OXTR: variants seen among roughly 807,000 people sequenced by gnomAD.
OXTR encodes the protein oxytocin receptor.
In OXTR, 19 loss-of-function variants were observed where a neutral mutation model predicts 23.9. The observed-to-expected ratio is 0.80, with a 90% CI of 0.56 to 1.17. OXTR has a LOEUF of 1.17. Ranked by LOEUF, OXTR falls within the 50% of genes most tolerant of loss-of-function variation. The pLI, the probability that OXTR is intolerant of heterozygous loss-of-function variation, is 0.00. For missense variants in OXTR, 500 were observed against 550.7 expected (o/e 0.91, Z 0.92); for synonymous variants, 278 against 250.5 (o/e 1.11, Z -1.04).
chr3:8,753,669 C>G (rs1362774355), intron 3 of OXTR, among the ~76,000 whole-genome samples: 8 of 152,158 alleles, frequency 5.3e-5, no homozygotes, highest in Non-Finnish European at 8.8e-5. Flanking sequence ...ACTTGAAGTC[C>G]CTAAGAAGCT....
intron 3 of OXTR, among the ~76,000 whole-genome samples, chr3:8,756,900 C>T (rs4686301): frequency 0.27 from 41,536 of 152,202 alleles, 6,439 homozygotes; most frequent in South Asian, 0.38. Flanking sequence ...ATGATGTCAG[C>T]GCAGAGAGGA....
chr3:8,754,860 G>C (rs138481153), intron 3 of OXTR, among the ~76,000 whole-genome samples: 16 of 152,314 alleles, frequency 1.1e-4, no homozygotes, highest in Non-Finnish European at 1.9e-4. Flanking sequence ...GTTGGAACAA[G>C]AGCAAGCTAC....
In OXTR at chr3:8,767,372, G is replaced by A. The variant is rs748902944; in HGVS notation, c.816C>T (p.Arg272=). 1 of 1,612,912 alleles carries A rather than the reference G, an allele frequency of 6.2e-7. No individual in the cohort carries two copies. Among genetic ancestry groups the A allele is most frequent in the South Asian group, 1.1e-5 (1 of 90,892 alleles). ...CGATGATGAAAGTCATCTTGACCGTGCGGATCTTGGCCTTGGAGATGAGCT... is the reference window on the plus strand; with the variant it reads ...CGATGATGAAAGTCATCTTGACCGTACGGATCTTGGCCTTGGAGATGAGCT... ...SVKLISKAKI[R]TVKMTFIIVL... The change falls in exon 3 of 4, where the codon CGC becomes CGT. Residue 272 remains arginine (R), a synonymous_variant. Transcript: ENST00000316793.
the OXTR span, among the ~76,000 whole-genome samples, chr3:8,743,495 G>A: frequency 1.3e-5 from 2 of 152,196 alleles, no homozygotes; most frequent in African/African-American, 4.8e-5. Flanking sequence ...CCACAGGGTT[G>A]CATAAGAGAT....
rs766011332 is a variant in OXTR, at chr3:8,767,654, G to A, written c.534C>T (p.Arg178=). Residue 178 remains arginine, a synonymous_variant, in exon 3 of 4, where the codon CGC becomes CGT. Transcript: ENST00000316793. ...AGTCGAAGACGCCGTCAGCCACCTC[G>A]CGCAGAGAGAAGATGTGCACCTGCG... is the stretch of plus-strand genomic sequence containing the variant. ...SAPQVHIFSL[R]EVADGVFDCW... is the part of the protein sequence containing the mutation. The A allele has an allele frequency of 4.3e-6, 7 of 1,612,794 alleles. No homozygotes were observed. The Admixed American group carries it at 1.2e-4, about 27-fold the overall frequency.
chr3:8,765,195 A>G (rs1481169389), intron 3 of OXTR, among the ~76,000 whole-genome samples: 1 of 152,200 alleles, frequency 6.6e-6, no homozygotes, highest in East Asian at 1.9e-4. Context: ...GAAAAGATCT[A>G]AACTTCGCTT....
intron 3 of OXTR, among the ~76,000 whole-genome samples, chr3:8,764,414 C>T (rs1029419692): frequency 6.6e-6 from 1 of 152,320 alleles, no homozygotes; most frequent in Admixed American, 6.5e-5. Flanking sequence ...CTAGATATTT[C>T]CGCATCTAAA....
At position 8,753,102 on chromosome 3, in the gene OXTR, C is replaced by T. The variant is rs200007890; in HGVS notation, c.1045G>A (p.Ala349Thr). The change falls in exon 4 of 4, where the codon GCC (alanine) becomes ACC (threonine). Residue 349 changes from alanine to threonine, a missense_variant. Coordinates refer to ENST00000316793, the MANE Select transcript of OXTR (RefSeq NM_000916.4). ...AGGCGTCTGCCCTTCAGGTAGCTGG[C>T]GGAGCAGCACAGGAAGCGCTGCACG... The part of the protein sequence containing the change: ...ELVQRFLCCS[A>T]SYLKGRRLGE... 3.1e-5 allele frequency: 50 copies of T among 1,614,088 alleles called. No individual in the cohort carries two copies. Among genetic ancestry groups the T allele is most frequent in the Middle Eastern group, 3.3e-4 (2 of 6,062 alleles).
downstream of OXTR, chr3:8,746,059 C>G (rs1437897864): frequency 1.7e-6 from 1 of 582,804 alleles, no homozygotes; most frequent in East Asian, 2.8e-5. Context: ...TGGCCCTTCG[C>G]TCTCCCCCAG....
intron 3 of OXTR, among the ~76,000 whole-genome samples, chr3:8,754,256 G>C (rs772697987): frequency 6.6e-6 from 1 of 152,100 alleles, no homozygotes; most frequent in Admixed American, 6.5e-5. Flanking sequence ...ACTTCAAGAG[G>C]GAAGAAAAAA....
intron 3 of OXTR, among the ~76,000 whole-genome samples, chr3:8,766,183 T>C (rs1708603003): frequency 6.6e-6 from 1 of 152,094 alleles, no homozygotes; most frequent in Admixed American, 6.5e-5. Flanking sequence ...AACTTATAAA[T>C]CATTCACCAC....
At position 8,751,665 on chromosome 3, in the gene OXTR, C is replaced by T. The variant is rs200221604; in HGVS notation, c.*1312G>A. On this transcript the variant is annotated 3_prime_UTR_variant, in exon 4 of 4. Coordinates refer to ENST00000316793, the MANE Select transcript of OXTR (RefSeq NM_000916.4). The stretch of plus-strand genomic sequence containing the variant: ...TTTCTCTATTGAATTGTCTTGGGAA[C>T]CTTGTCAAAAATCAATTGACCGTAA... The T allele has an allele frequency of 2.0e-5, 3 of 151,994 alleles. No homozygotes were observed. The highest frequency in any genetic ancestry group is 4.8e-5 in the African/African-American group (2 of 41,378). The allele number at this position is 151,994 out of a possible 1,614,324, so 9.4% of individuals were successfully genotyped here.
At chr3:8,746,058 G>C (rs1379980456), downstream of OXTR, 2 of 582,998 alleles carry the variant, frequency 3.4e-6, no homozygotes, top group Admixed American at 6.0e-5. Context: ...ATGGCCCTTC[G>C]CTCTCCCCCA....
chr3:8,749,530 C>T (rs1388947530), downstream of OXTR, among the ~76,000 whole-genome samples: 7 of 152,160 alleles, frequency 4.6e-5, no homozygotes, highest in Non-Finnish European at 1.0e-4. Context: ...TGCTAACAGA[C>T]CCCACTGCTG....
In OXTR at chr3:8,767,866, G is replaced by C. The variant is rs202138705; in HGVS notation, c.322C>G (p.Pro108Ala). The C allele has an allele frequency of 1.8e-4, 297 of 1,613,342 alleles. No individual in the cohort carries two copies. Among genetic ancestry groups the C allele is most frequent in the Admixed American group, 1.8e-4 (11 of 59,988 alleles). Residue 108 changes from proline to alanine, a missense_variant, in exon 3 of 4, where the codon CCC (proline) becomes GCC (alanine). Physicochemically the swap from Pro to Ala is conservative, Grantham distance 27. Coordinates refer to ENST00000316793, the MANE Select transcript of OXTR (RefSeq NM_000916.4). ...LWDITFRFYGPDLLCRLVKYL... is the reference protein window; with the variant it reads ...LWDITFRFYGADLLCRLVKYL... ...TTGACCAGGCGGCACAGCAGGTCGG[G>C]CCCGTAGAAGCGGAAGGTGATGTCC...
At chr3:8,747,634 C>T (rs926763809), downstream of OXTR, among the ~76,000 whole-genome samples, 2 of 152,246 alleles carry the variant, frequency 1.3e-5, no homozygotes, top group African/African-American at 4.8e-5. Context: ...AGCACTATCA[C>T]TGTGGCTCCA....
intron 3 of OXTR, among the ~76,000 whole-genome samples, chr3:8,758,986 C>T (rs2268492): frequency 0.24 from 37,142 of 152,188 alleles, 5,403 homozygotes; most frequent in Admixed American, 0.31. Context: ...TGGCTGGCTA[C>T]AGGGCATCTG....
At chr3:8,748,431 G>A (rs1253145304), downstream of OXTR, among the ~76,000 whole-genome samples, 1 of 152,094 alleles carries the variant, frequency 6.6e-6, no homozygotes, top group Non-Finnish European at 1.5e-5. Flanking sequence ...CAGAGAATGG[G>A]ACCAGGGCCC....
chr3:8,744,275 A>ATTTTTTTTTT, the OXTR span, among the ~76,000 whole-genome samples: 1 of 120,860 alleles, frequency 8.3e-6, no homozygotes, highest in African/African-American at 3.6e-5. Flanking sequence ...GACCAGTGGA[A>ATTTTTTTTTT]TTTTTTTTTT....
Sources: allele counts gnomAD v4.1 joint callset (sites outside exome capture counted in the v4.1 genomes callset), GRCh38; gene constraint gnomAD v4.1.1; transcripts MANE v1.5; gene names NCBI Gene and HGNC (gene_info 2026-07-23, HGNC 2026-07-21).